Variants in FMN2 observed in about 807,000 individuals in gnomAD.
FMN2 encodes formin-2.
In FMN2, 51 loss-of-function variants were observed where a neutral mutation model predicts 142.3. The observed-to-expected ratio is 0.36, with a 90% confidence interval of 0.29 to 0.45. FMN2 has a LOEUF of 0.45. FMN2 is among the 20% of genes least tolerant of loss of function. The pLI is 1.00. For missense variants in FMN2, 1,936 were observed against 2,122.8 expected (o/e 0.91, Z 1.73); for synonymous variants, 882 against 869.8 (o/e 1.01, Z -0.25).
intron 7 of FMN2, among the ~76,000 whole-genome samples, chr1:240,280,660 A>G (rs1170284877): frequency 6.6e-6 from 1 of 152,172 alleles, no homozygotes; most frequent in Non-Finnish European, 1.5e-5. Flanking sequence ...TACGGAAAAC[A>G]TTCAACAGAC....
At chr1:240,142,334 C>T (rs905141245) in intron 2 of FMN2, among the ~76,000 whole-genome samples, 6 of 152,060 alleles carry the variant, frequency 3.9e-5, no homozygotes, top group African/African-American at 7.2e-5. Context: ...TGTAATGAAC[C>T]GAGCTATTTT....
intron 14 of FMN2, among the ~76,000 whole-genome samples, chr1:240,386,605 C>T (rs1385567383): frequency 6.6e-6 from 1 of 152,110 alleles, no homozygotes; most frequent in Admixed American, 6.5e-5. Flanking sequence ...AGCCAGACAG[C>T]GACTACAGAC....
At chr1:240,382,342 G>GA (rs1255286509) in intron 14 of FMN2, among the ~76,000 whole-genome samples, 1 of 151,784 alleles carries the variant, frequency 6.6e-6, no homozygotes, top group Non-Finnish European at 1.5e-5. Flanking sequence ...ACAAATAAAT[G>GA]AAAAAACATT....
At chr1:240,142,161 G>A (rs538640571) in intron 2 of FMN2, among the ~76,000 whole-genome samples, 41 of 152,048 alleles carry the variant, frequency 2.7e-4, no homozygotes, top group Non-Finnish European at 4.9e-4. Context: ...GTAGGAGTAC[G>A]GCGGCTTCAT....
chr1:240,106,225 T>A (rs12567711), intron 1 of FMN2, among the ~76,000 whole-genome samples: 76,591 of 151,936 alleles, frequency 0.5, 20,483 homozygotes, highest in Non-Finnish European at 0.61. Flanking sequence ...CTTCATATGA[T>A]CTTCTTCCAC....
At chr1:240,412,888 C>T (rs534920152) in intron 15 of FMN2, among the ~76,000 whole-genome samples, 5 of 151,754 alleles carry the variant, frequency 3.3e-5, no homozygotes, top group African/African-American at 9.7e-5. Flanking sequence ...TTTGGGAGGC[C>T]GAGGCGGGTG....
intron 4 of FMN2, among the ~76,000 whole-genome samples, chr1:240,199,701 C>T (rs896650689): frequency 1.3e-5 from 2 of 152,132 alleles, no homozygotes; most frequent in Non-Finnish European, 2.9e-5. Context: ...CAGACTCTAC[C>T]ACTTATGATT....
intron 7 of FMN2, among the ~76,000 whole-genome samples, chr1:240,285,677 T>G (rs1669561848): frequency 6.6e-6 from 1 of 152,044 alleles, no homozygotes; most frequent in Admixed American, 6.6e-5. Context: ...GATAAATGTT[T>G]AGCACGTGTA....
At chr1:240,438,894 A>G (rs1675500801) in intron 16 of FMN2, among the ~76,000 whole-genome samples, 1 of 152,218 alleles carries the variant, frequency 6.6e-6, no homozygotes, top group Non-Finnish European at 1.5e-5. Flanking sequence ...CGTAATCTAT[A>G]CTATAAAGCA....
Position 240,381,054 on chromosome 1 carries a change from A to G in FMN2, c.4859-11457A>G, listed in dbSNP as rs959940725. On this transcript the variant is annotated intron_variant, in intron 14 of 17. Coordinates refer to ENST00000319653, the MANE Select transcript of FMN2 (RefSeq NM_020066.5). ...TAAACAAAAATAAGCCCAGAACCAGACAGATGAACAGCCAAATTTTACCAG... is the reference window on the plus strand; with the variant it reads ...TAAACAAAAATAAGCCCAGAACCAGGCAGATGAACAGCCAAATTTTACCAG... Among the ~76,000 whole-genome samples, 9 of 152,274 alleles carry G rather than the reference A, an allele frequency of 5.9e-5. No homozygotes were observed. The East Asian group carries it at 1.7e-3, about 29-fold the overall frequency.
At chr1:240,417,239 C>T (rs530045799) in intron 15 of FMN2, among the ~76,000 whole-genome samples, 8 of 150,356 alleles carry the variant, frequency 5.3e-5, no homozygotes, top group Non-Finnish European at 1.0e-4. Flanking sequence ...TATTCTCATC[C>T]GCATATTTTC....
chr1:240,471,064 T>G (rs1173505781), intron 16 of FMN2, among the ~76,000 whole-genome samples: 1 of 152,222 alleles, frequency 6.6e-6, no homozygotes, highest in African/African-American at 2.4e-5. Context: ...CGGTGTCAAA[T>G]AGCAGAGCCA....
At chr1:240,206,382 A>G (rs747270336) in intron 4 of FMN2, among the ~76,000 whole-genome samples, 4 of 152,208 alleles carry the variant, frequency 2.6e-5, no homozygotes, top group Admixed American at 6.5e-5. Context: ...ACACTCATTC[A>G]GTGATCACTT....
chr1:240,365,042 C>A (rs920074298), intron 14 of FMN2, among the ~76,000 whole-genome samples: 3 of 152,150 alleles, frequency 2.0e-5, no homozygotes, highest in East Asian at 1.9e-4. Flanking sequence ...GAATGTAAGT[C>A]TTCTCACTAT....
intron 13 of FMN2, among the ~76,000 whole-genome samples, chr1:240,342,213 G>T (rs754872643): frequency 1.3e-5 from 2 of 152,042 alleles, no homozygotes; most frequent in African/African-American, 4.8e-5. Flanking sequence ...ATATGTTACC[G>T]TTCACTGCTC....
intron 8 of FMN2, among the ~76,000 whole-genome samples, chr1:240,324,187 T>G (rs1671071588): frequency 6.6e-6 from 1 of 152,188 alleles, no homozygotes; most frequent in South Asian, 2.1e-4. Context: ...CCTAACACTT[T>G]AGAGATCTCC....
At chr1:240,272,704 C>A (rs965214257) in intron 7 of FMN2, among the ~76,000 whole-genome samples, 1 of 152,164 alleles carries the variant, frequency 6.6e-6, no homozygotes, top group Non-Finnish European at 1.5e-5. Context: ...AGTCCTTCCT[C>A]TCAGCTCAGT....
intron 5 of FMN2, among the ~76,000 whole-genome samples, chr1:240,210,062 C>CT (rs1195381923): frequency 6.6e-6 from 1 of 152,206 alleles, no homozygotes; most frequent in Admixed American, 6.5e-5. Flanking sequence ...CATGGCACTT[C>CT]TGTCCCTCAT....
At chr1:240,392,120 T>A (rs1673623771) in intron 14 of FMN2, among the ~76,000 whole-genome samples, 1 of 151,948 alleles carries the variant, frequency 6.6e-6, no homozygotes, top group Non-Finnish European at 1.5e-5. Context: ...TTAGGGTTTT[T>A]TTTTTTGACG....
Sources: gnomAD v4.1 joint callset for allele counts (sites outside exome capture counted in the v4.1 genomes callset) on GRCh38, gnomAD v4.1.1 for gene constraint, MANE v1.5 for transcripts, NCBI Gene and HGNC (gene_info 2026-07-23, HGNC 2026-07-21) for gene names.